PCDHA13: variants seen among roughly 807,000 people sequenced by gnomAD.
The protein encoded by PCDHA13 is protocadherin alpha-13.
A neutral mutation model predicts 64.8 loss-of-function variants in PCDHA13; 54 were observed. The observed-to-expected ratio is 0.83, with a 90% CI of 0.67 to 1.04. PCDHA13 has a LOEUF of 1.04. Ranked by LOEUF, PCDHA13 falls within the 50% of genes least tolerant of loss-of-function variation. PCDHA13 has a pLI of 0.00. For missense variants in PCDHA13, 1,248 were observed against 1,254.3 expected (o/e 0.99, Z 0.08); for synonymous variants, 587 against 564.4 (o/e 1.04, Z -0.57).
At chr5:141,005,978 G>C (rs1226619772) in intron 3 of PCDHA13, among the ~76,000 whole-genome samples, 2 of 151,936 alleles carry the variant, frequency 1.3e-5, no homozygotes, top group African/African-American at 4.8e-5. Context: ...CAATTCCAAA[G>C]AGTGTTTGAG....
rs143828814 is a variant in PCDHA13, at chr5:140,884,016, G to T, written c.1748G>T (p.Arg583Leu). Reference protein sequence around the residue: ...AGGTVSELMPRSVGAGHVVAK... With the variant: ...AGGTVSELMPLSVGAGHVVAK... ...GGCACAGTGAGCGAGCTGATGCCGC[G>T]GTCGGTGGGTGCAGGCCACGTGGTG... Residue 583 changes from arginine to leucine, a missense_variant, in exon 1 of 4, where the codon CGG (arginine) becomes CTG (leucine). Physicochemically the swap from Arg to Leu is moderately radical, Grantham distance 102 (BLOSUM62 -2). Transcript: ENST00000289272. The T allele has an allele frequency of 6.2e-7, 1 of 1,613,208 alleles. No individual in the cohort carries two copies. Among genetic ancestry groups the T allele is most frequent in the Non-Finnish European group, 8.5e-7 (1 of 1,179,592 alleles).
intron 1 of PCDHA13, among the ~76,000 whole-genome samples, chr5:140,955,521 TC>T (rs2095199105): frequency 6.6e-6 from 1 of 152,142 alleles, no homozygotes; most frequent in Non-Finnish European, 1.5e-5. Context: ...TGCTTTCCCT[TC>T]CACCATGATT....
Position 140,986,801 on chromosome 5 carries a change from T to C in PCDHA13, c.2542+4238T>C, listed in dbSNP as rs1381514203. ...CGGAAGCCACTAAGGCAGTGAGTCT[T>C]AGTTAGAGAACTTTGGTTTAGACAA... On this transcript the variant is annotated intron_variant, in intron 3 of 3. Coordinates refer to ENST00000289272, the MANE Select transcript of PCDHA13 (RefSeq NM_018904.3). 2.0e-5 allele frequency among the ~76,000 whole-genome samples: 3 copies of C among 152,144 alleles called. No homozygotes were observed. The East Asian group carries it at 5.8e-4, about 29-fold the overall frequency.
At chr5:140,926,982 G>A (rs1554203886) in intron 1 of PCDHA13, 1 of 1,610,398 alleles carries the variant, frequency 6.2e-7, no homozygotes, top group East Asian at 2.2e-5. Flanking sequence ...CGGAGGAGAC[G>A]GAGCGGGGCG....
intron 3 of PCDHA13, among the ~76,000 whole-genome samples, chr5:140,994,778 G>A (rs1488910527): frequency 1.3e-5 from 2 of 152,152 alleles, no homozygotes; most frequent in Non-Finnish European, 2.9e-5. Flanking sequence ...TCCAGGCAAA[G>A]GAAACAATGC....
chr5:140,993,463 CACACACACACACACA>C (rs2097564014), intron 3 of PCDHA13, among the ~76,000 whole-genome samples: 3 of 7,580 alleles, frequency 4.0e-4, no homozygotes, highest in African/African-American at 2.0e-3. Context: ...CTTTCTTTCT[CACACACACACACACA>C]CACACACACA....
rs782267123 is a variant in PCDHA13 at position 140,884,541 on chromosome 5, T to C, written c.2273T>C (p.Val758Ala). ...TACTCGCAGCAGAGGCGGCCGAGGG[T>C]GTGCTCTGGGGAGGGCCCGCATAAG... ...WSYSQQRRPR[V>A]CSGEGPHKTD... Residue 758 changes from valine (V) to alanine (A), a missense_variant, in exon 1 of 4, where the codon GTG (valine) becomes GCG (alanine). Physicochemically the swap from Val to Ala is moderately conservative, Grantham distance 64 (BLOSUM62 0). Coordinates refer to ENST00000289272, the MANE Select transcript of PCDHA13 (RefSeq NM_018904.3). 17 of 1,613,862 alleles carry C rather than the reference T, an allele frequency of 1.1e-5. No individual in the cohort carries two copies. Among genetic ancestry groups the C allele is most frequent in the Non-Finnish European group, 1.4e-5 (16 of 1,179,984 alleles).
At chr5:140,955,438 A>C (rs975663366) in intron 1 of PCDHA13, among the ~76,000 whole-genome samples, 2 of 151,994 alleles carry the variant, frequency 1.3e-5, no homozygotes, top group African/African-American at 4.8e-5. Context: ...ATTAGGTCTG[A>C]TGGTTTTATA....
At chr5:140,895,968 G>A (rs190056652) in intron 1 of PCDHA13, among the ~76,000 whole-genome samples, 2 of 151,938 alleles carry the variant, frequency 1.3e-5, no homozygotes, top group African/African-American at 2.4e-5. Context: ...CTGTCACCAG[G>A]CCTAGCTAAT....
At chr5:140,926,873 C>T in intron 1 of PCDHA13, 1 of 1,525,502 alleles carries the variant, frequency 6.6e-7, no homozygotes, top group Non-Finnish European at 8.8e-7. Context: ...GTTGGTGGAA[C>T]GTGGACGCCT....
At chr5:140,969,439 T>C (rs1554231802) in intron 1 of PCDHA13, 2 of 1,546,634 alleles carry the variant, frequency 1.3e-6, no homozygotes, top group Admixed American at 3.9e-5. Context: ...AAGAGTTATC[T>C]GGTAAACTGA....
In PCDHA13 at chr5:140,944,191, G is replaced by T. The variant is rs181232402; in HGVS notation, c.2395-34758G>T. The stretch of plus-strand genomic sequence containing the variant: ...GGCTGGTTTTTTGTTGGTTTGTTTT[G>T]TTTTGTTTTGTTTTTAAAGAGGGTT... On this transcript the variant is annotated intron_variant, in intron 1 of 3. Coordinates refer to ENST00000289272, the MANE Select transcript of PCDHA13 (RefSeq NM_018904.3). 9.2e-5 allele frequency among the ~76,000 whole-genome samples: 14 copies of T among 152,098 alleles called. No individual in the cohort carries two copies. The East Asian group carries it at 2.5e-3, about 27-fold the overall frequency.
rs782706939 is a variant in PCDHA13 at position 140,967,257 on chromosome 5, G to C, written c.2395-11692G>C. ...CAGGTAAGCGAATCGGTGGCGCCTG[G>C]AGCGCGCTTTCACATAGAGAGTGCG... is the stretch of plus-strand genomic sequence containing the variant. On this transcript the variant is annotated intron_variant, in intron 1 of 3. Coordinates refer to ENST00000289272, the MANE Select transcript of PCDHA13 (RefSeq NM_018904.3). 1.9e-6 allele frequency: 3 copies of C among 1,613,486 alleles called. No individual in the cohort carries two copies. The highest frequency in any genetic ancestry group is 1.3e-5 in the African/African-American group (1 of 75,062).
chr5:140,947,107 G>A (rs1041048233), intron 1 of PCDHA13, among the ~76,000 whole-genome samples: 12 of 151,202 alleles, frequency 7.9e-5, no homozygotes, highest in South Asian at 4.2e-4. Flanking sequence ...AAATAGGTAC[G>A]TGTCAATTAA....
At chr5:140,890,776 A>G (rs1554184541) in intron 1 of PCDHA13, among the ~76,000 whole-genome samples, 1 of 152,316 alleles carries the variant, frequency 6.6e-6, no homozygotes, top group Non-Finnish European at 1.5e-5. Flanking sequence ...TTAAAACCCC[A>G]TAAGATATTA....
chr5:140,947,249 C>T (rs1178030042), intron 1 of PCDHA13, among the ~76,000 whole-genome samples: 3 of 151,204 alleles, frequency 2.0e-5, no homozygotes, highest in African/African-American at 7.3e-5. Flanking sequence ...TAAGATAATC[C>T]AATGTACCAT....
chr5:140,962,050 A>AT (rs1207278188), intron 1 of PCDHA13, among the ~76,000 whole-genome samples: 3 of 151,684 alleles, frequency 2.0e-5, no homozygotes, highest in African/African-American at 7.3e-5. Context: ...TGCCTGGCTA[A>AT]TTTTTTTGTA....
At chr5:140,963,556 T>A (rs891498931) in intron 1 of PCDHA13, among the ~76,000 whole-genome samples, 28 of 152,238 alleles carry the variant, frequency 1.8e-4, no homozygotes, top group Non-Finnish European at 3.4e-4. Context: ...AAAAAGGGGC[T>A]GTTTTCTGGT....
intron 1 of PCDHA13, among the ~76,000 whole-genome samples, chr5:140,935,239 A>G (rs1554210410): frequency 1.3e-5 from 2 of 152,172 alleles, no homozygotes. Flanking sequence ...TCTATTTTTT[A>G]AAAGATAAAA....
Sources: gnomAD v4.1 joint callset for allele counts (sites outside exome capture counted in the v4.1 genomes callset) on GRCh38, gnomAD v4.1.1 for gene constraint, MANE v1.5 for transcripts, NCBI Gene and HGNC (gene_info 2026-07-23, HGNC 2026-07-21) for gene names.